CHD2: variants seen among roughly 807,000 people sequenced by gnomAD.
CHD2 encodes chromodomain helicase DNA binding protein 2, also known as ATP-dependent chromatin remodeler CHD2.
Under a neutral mutation model 243.9 loss-of-function variants are expected in CHD2, and 28 were observed. The ratio of observed to expected loss-of-function variants is 0.11; its 90% confidence interval spans 0.09 to 0.16. The LOEUF (loss-of-function observed/expected upper bound fraction) is 0.16. CHD2 is among the 10% of genes least tolerant of loss of function. The probability of loss-of-function intolerance (pLI) is 1.00; values close to 1 mark genes in which losing one functional copy is unlikely to be tolerated. For synonymous variants in CHD2, 775 were observed against 779.0 expected (o/e 0.99, Z 0.09); for missense variants, 1,386 against 2,209.8 (o/e 0.63, Z 7.47).
rs887832015 is a variant in CHD2 at position 92,948,662 on chromosome 15, T to G, written c.1378-290T>G. ...TCCTGGCTAGCATGGTGAAACCCCATCTCTACTAAAAATACAAAAATAGCC... is the reference window on the plus strand; with the variant it reads ...TCCTGGCTAGCATGGTGAAACCCCAGCTCTACTAAAAATACAAAAATAGCC... On this transcript the variant is annotated intron_variant, in intron 12 of 38. Transcript: ENST00000394196. Among the ~76,000 whole-genome samples the G allele has an allele frequency of 1.1e-4, 17 of 152,136 alleles. 1 individual carries two copies. Among genetic ancestry groups the G allele is most frequent in the Admixed American group, 7.9e-4 (12 of 15,276 alleles).
At chr15:92,922,577 C>G (rs2052978331) in intron 2 of CHD2, among the ~76,000 whole-genome samples, 1 of 152,186 alleles carries the variant, frequency 6.6e-6, no homozygotes, top group African/African-American at 2.4e-5. Context: ...CTAGAAGATG[C>G]AGTGATGGTA....
Position 93,020,366 on chromosome 15 carries a change from C to G in CHD2, c.5153+108C>G, listed in dbSNP as rs3743468. On this transcript the variant is annotated intron_variant, in intron 38 of 38. Transcript: ENST00000394196. The stretch of plus-strand genomic sequence containing the variant: ...ATTTATCTATCAAATTACTGAAGAT[C>G]TCATCATGCATGTGTCAGCCACAGC... 989 of 1,380,318 alleles carry G rather than the reference C, an allele frequency of 7.2e-4. 6 individuals carry two copies. The highest frequency in any genetic ancestry group is 3.1e-3 in the East Asian group (132 of 42,632). 85.5% of individuals were successfully genotyped at this position (1,380,318 alleles called of 1,614,324 possible).
At chr15:93,019,674 C>T (rs533419677) in intron 37 of CHD2, among the ~76,000 whole-genome samples, 1 of 152,292 alleles carries the variant, frequency 6.6e-6, no homozygotes, top group South Asian at 2.1e-4. Context: ...TGGCTCACAG[C>T]TGTAATCCCA....
intron 17 of CHD2, among the ~76,000 whole-genome samples, chr15:92,969,817 T>C (rs1041169552): frequency 6.6e-6 from 1 of 151,272 alleles, no homozygotes; most frequent in Non-Finnish European, 1.5e-5. Flanking sequence ...ATTTTCTTTT[T>C]TTTTTTTTTT....
At chr15:92,966,061 C>CT (rs2053758456) in intron 16 of CHD2, among the ~76,000 whole-genome samples, 1 of 145,962 alleles carries the variant, frequency 6.9e-6, no homozygotes, top group Non-Finnish European at 1.5e-5. Context: ...TTTCTTTTTT[C>CT]TTTTCTTTTT....
Position 92,998,841 on chromosome 15 carries a change from T to G in CHD2, c.4008+220T>G, listed in dbSNP as rs949829127. ...GCTCATGCCTGTAATCCCAGCACTT[T>G]GGGAGGCTGAGGCGGGCGGATCACA... On this transcript the variant is annotated intron_variant, in intron 31 of 38. Transcript: ENST00000394196. The surrounding 1 kb of genome is among the most constrained non-coding windows in gnomAD (Gnocchi z 5.1). Among the ~76,000 whole-genome samples, 1 of 152,090 alleles carries G rather than the reference T, an allele frequency of 6.6e-6. No homozygotes were observed. Among genetic ancestry groups the G allele is most frequent in the African/African-American group, 2.4e-5 (1 of 41,432 alleles).
chr15:92,977,947 C>G (rs1241911536), intron 20 of CHD2, among the ~76,000 whole-genome samples: 1 of 152,098 alleles, frequency 6.6e-6, no homozygotes, highest in Non-Finnish European at 1.5e-5. Flanking sequence ...TTGCTGTTAA[C>G]TTCTTGTATA....
In CHD2 at chr15:92,948,965, G is replaced by C; in HGVS notation, c.1391G>C (p.Arg464Thr). Reference sequence around the variant, plus strand: ...TTTGTTTTTCAGGCCCTGAAGCAGAGACCACGATTTGTAGCTTTAAAGAAA... The same window carrying C: ...TTTGTTTTTCAGGCCCTGAAGCAGACACCACGATTTGTAGCTTTAAAGAAA... ...PTRECKALKQ[R>T]PRFVALKKQP... The change falls in exon 13 of 39, where the codon AGA (arginine) becomes ACA (threonine). Residue 464 changes from arginine (R) to threonine (T), a missense_variant. This residue lies in a region of CHD2 where 200 missense variants were observed against 292.5 expected (regional missense o/e 0.68). Transcript: ENST00000394196. The C allele has an allele frequency of 6.2e-7, 1 of 1,613,496 alleles. No homozygotes were observed.
rs760995563 is a variant in CHD2 at position 92,992,977 on chromosome 15, C to G, written c.3574C>G (p.Leu1192Val). 2 of 1,613,892 alleles carry G rather than the reference C, an allele frequency of 1.2e-6. No homozygotes were observed. Among genetic ancestry groups the G allele is most frequent in the Non-Finnish European group, 1.7e-6 (2 of 1,180,016 alleles). The change falls in exon 28 of 39, where the codon CTG becomes GTG. Residue 1192 changes from leucine (L) to valine (V), a missense_variant. Coordinates refer to ENST00000394196, the MANE Select transcript of CHD2 (RefSeq NM_001271.4). ...AGCAATGCAGGAATACGAAGAGCAG[C>G]TGAAAGAAAATGCCAGCGAGGGTAA... Reference protein sequence around the residue: ...VSAMQEYEEQLKENASEGKGP... With the variant: ...VSAMQEYEEQVKENASEGKGP...
chr15:92,910,094 C>T (rs1403877338), intron 2 of CHD2, among the ~76,000 whole-genome samples: 1 of 151,940 alleles, frequency 6.6e-6, no homozygotes, highest in Non-Finnish European at 1.5e-5. Flanking sequence ...GCAACCTCCA[C>T]CCTCCAGGCT....
intron 20 of CHD2, among the ~76,000 whole-genome samples, chr15:92,977,246 A>G (rs1284553840): frequency 6.6e-6 from 1 of 152,142 alleles, no homozygotes; most frequent in African/African-American, 2.4e-5. Flanking sequence ...CCTGTTGATC[A>G]CTTCTTTATT....
chr15:92,912,682 C>T (rs755274069), intron 2 of CHD2, among the ~76,000 whole-genome samples: 3 of 152,046 alleles, frequency 2.0e-5, no homozygotes, highest in South Asian at 2.1e-4. Flanking sequence ...CACAGGTGCC[C>T]GCCACCACGC....
intron 32 of CHD2, among the ~76,000 whole-genome samples, 167 bp from the exon 33 acceptor site, chr15:93,002,010 A>C (rs1036016051): frequency 1.3e-5 from 2 of 152,222 alleles, no homozygotes; most frequent in African/African-American, 2.4e-5. Context: ...ACTGGTTATT[A>C]CTGGAAAGTT....
intron 2 of CHD2, among the ~76,000 whole-genome samples, chr15:92,914,289 G>T (rs766803957): frequency 2.0e-5 from 3 of 152,222 alleles, no homozygotes; most frequent in African/African-American, 7.2e-5. Context: ...TATTTACAAA[G>T]ACTTTTGATT....
At chr15:93,007,771 C>T (rs2054339932) in intron 34 of CHD2, among the ~76,000 whole-genome samples, 2 of 152,040 alleles carry the variant, frequency 1.3e-5, no homozygotes, top group South Asian at 2.1e-4. Flanking sequence ...GATATTGGTC[C>T]CTAATTTTAC....
intron 26 of CHD2, among the ~76,000 whole-genome samples, chr15:92,989,760 A>G (rs1261499576): frequency 2.0e-5 from 3 of 152,194 alleles, no homozygotes; most frequent in Admixed American, 1.3e-4. Context: ...GACAAATGAC[A>G]GTGACTCTGA....
intron 5 of CHD2, among the ~76,000 whole-genome samples, chr15:92,932,008 G>A (rs112211888): frequency 0.014 from 2,109 of 151,918 alleles, 47 homozygotes; most frequent in African/African-American, 0.049. Context: ...GACTACAGGC[G>A]TGCGCCACCA....
intron 2 of CHD2, chr15:92,904,559 T>C: frequency 9.9e-7 from 1 of 1,012,356 alleles, no homozygotes; most frequent in Non-Finnish European, 1.2e-6. Context: ...CGTTTGCTCC[T>C]GGCAGTCTTG....
At chr15:93,020,851 C>G (rs1163097049) in intron 38 of CHD2, 1 of 153,448 alleles carries the variant, frequency 6.5e-6, no homozygotes, top group Non-Finnish European at 1.5e-5. Context: ...TGCACTGTAC[C>G]TTGAATTTAC....
Sources: allele counts gnomAD v4.1 joint callset (sites outside exome capture counted in the v4.1 genomes callset), GRCh38; gene constraint gnomAD v4.1.1; regional missense constraint gnomAD v4.1.1; non-coding constraint Gnocchi (gnomAD v3.1); transcripts MANE v1.5; gene names NCBI Gene and HGNC (gene_info 2026-07-23, HGNC 2026-07-21).